TBC1D4: variants seen among roughly 807,000 people sequenced by gnomAD.
TBC1D4 encodes TBC1 domain family member 4, also known as TBC (Tre-2, BUB2, CDC16) domain-containing protein.
TBC1D4 carries 121 observed loss-of-function variants against 142.5 expected under a neutral mutation model. That is an observed-to-expected ratio of 0.85 (90% CI 0.73 to 0.99). TBC1D4 has a LOEUF of 0.99. Ranked by LOEUF, TBC1D4 falls within the 50% of genes least tolerant of loss-of-function variation. The pLI is 0.00. For synonymous variants in TBC1D4, 630 were observed against 628.2 expected (o/e 1.00, Z -0.04); for missense variants, 1,475 against 1,606.6 (o/e 0.92, Z 1.40).
intron 1 of TBC1D4, among the ~76,000 whole-genome samples, chr13:75,402,654 A>AACACACACACACACAC (rs56176942): frequency 2.1e-5 from 3 of 142,460 alleles, no homozygotes; most frequent in Non-Finnish European, 4.6e-5. Flanking sequence ...ATCCCTAGTA[A>AACACACACACACACAC]ACACACACAC....
chr13:75,347,161 G>A (rs767537375), intron 5 of TBC1D4, among the ~76,000 whole-genome samples: 7 of 151,488 alleles, frequency 4.6e-5, no homozygotes, highest in African/African-American at 7.3e-5. Context: ...TTACACAAAC[G>A]TATTACATAA....
At chr13:75,449,883 C>A (rs1887460938) in intron 1 of TBC1D4, among the ~76,000 whole-genome samples, 3 of 152,104 alleles carry the variant, frequency 2.0e-5, no homozygotes, top group Admixed American at 6.6e-5. Flanking sequence ...TCGTGCCCAG[C>A]CAAATGTACA....
chr13:75,442,363 T>C (rs539307761), intron 1 of TBC1D4, among the ~76,000 whole-genome samples: 3 of 152,188 alleles, frequency 2.0e-5, no homozygotes, highest in Admixed American at 6.5e-5. Context: ...GTGGGGTTTA[T>C]TATGATGATT....
At chr13:75,436,179 G>A (rs1438801238) in intron 1 of TBC1D4, among the ~76,000 whole-genome samples, 1 of 152,130 alleles carries the variant, frequency 6.6e-6, no homozygotes, top group African/African-American at 2.4e-5. Context: ...TGTAAAATGT[G>A]CCTTTGCTCC....
chr13:75,346,438 GTT>G (rs894561329), intron 5 of TBC1D4, among the ~76,000 whole-genome samples: 5 of 152,106 alleles, frequency 3.3e-5, no homozygotes, highest in African/African-American at 1.2e-4. Context: ...GAGAGTGATG[GTT>G]TCCAGCTTCA....
At chr13:75,429,877 C>T (rs1886526112) in intron 1 of TBC1D4, among the ~76,000 whole-genome samples, 1 of 152,126 alleles carries the variant, frequency 6.6e-6, no homozygotes, top group Admixed American at 6.5e-5. Flanking sequence ...AGCATAGAAC[C>T]ATCTGCAGAA....
chr13:75,370,397 T>C (rs1883160743), intron 1 of TBC1D4, among the ~76,000 whole-genome samples: 1 of 152,184 alleles, frequency 6.6e-6, no homozygotes, highest in African/African-American at 2.4e-5. Flanking sequence ...ACCCTTTGGC[T>C]ACTGTGTGGA....
intron 1 of TBC1D4, among the ~76,000 whole-genome samples, chr13:75,449,464 T>C (rs1887438073): frequency 6.6e-6 from 1 of 152,092 alleles, no homozygotes; most frequent in Non-Finnish European, 1.5e-5. Flanking sequence ...TCTCAAAATA[T>C]CTTATTGTAT....
chr13:75,327,305 C>T (rs1225450036), intron 9 of TBC1D4, among the ~76,000 whole-genome samples: 1 of 151,804 alleles, frequency 6.6e-6, no homozygotes, highest in Non-Finnish European at 1.5e-5. Flanking sequence ...TGACATACTG[C>T]ACTACGCAGG....
At chr13:75,434,368 G>A (rs1886704858) in intron 1 of TBC1D4, among the ~76,000 whole-genome samples, 1 of 152,130 alleles carries the variant, frequency 6.6e-6, no homozygotes, top group Non-Finnish European at 1.5e-5. Context: ...GAACATGGGT[G>A]GTGCTGGAGG....
In TBC1D4 at chr13:75,283,912, T is replaced by G. The variant is rs982404417; in HGVS notation, c.*2880A>C. The stretch of plus-strand genomic sequence containing the variant: ...TTTGTTTGGTTGTTTGTTTTTCTTT[T>G]TTTTTGTCAAAGTCTCACTCTGTGG... On this transcript the variant is annotated 3_prime_UTR_variant, in exon 21 of 21. Coordinates refer to ENST00000377636, the MANE Select transcript of TBC1D4 (RefSeq NM_014832.5). 7.2e-5 allele frequency among the ~76,000 whole-genome samples: 11 copies of G among 152,158 alleles called. No homozygotes were observed.
intron 2 of TBC1D4, among the ~76,000 whole-genome samples, chr13:75,360,552 A>C (rs925750765): frequency 9.8e-5 from 5 of 51,152 alleles, no homozygotes; most frequent in African/African-American, 2.1e-4. Flanking sequence ...TTTTTTTTTT[A>C]ATCAGGGGTG....
At chr13:75,440,633 A>G (rs1324509033) in intron 1 of TBC1D4, among the ~76,000 whole-genome samples, 1 of 151,756 alleles carries the variant, frequency 6.6e-6, no homozygotes, top group Admixed American at 6.5e-5. Context: ...GGCTCACTGT[A>G]ACCTTGAGCT....
At chr13:75,432,401 C>A (rs1322059415) in intron 1 of TBC1D4, among the ~76,000 whole-genome samples, 1 of 152,140 alleles carries the variant, frequency 6.6e-6, no homozygotes, top group Non-Finnish European at 1.5e-5. Context: ...TGGTTCTAAG[C>A]AGACAAAACA....
intron 1 of TBC1D4, among the ~76,000 whole-genome samples, chr13:75,406,132 A>G (rs1462468498): frequency 6.6e-6 from 1 of 152,218 alleles, no homozygotes; most frequent in Non-Finnish European, 1.5e-5. Flanking sequence ...TGTGAGGGCT[A>G]CATGCCTTCA....
At chr13:75,460,214 A>C (rs935781399) in intron 1 of TBC1D4, among the ~76,000 whole-genome samples, 3 of 152,204 alleles carry the variant, frequency 2.0e-5, no homozygotes, top group Non-Finnish European at 4.4e-5. Flanking sequence ...AGGATACAAA[A>C]ATGGCCCTAT....
In TBC1D4 at chr13:75,310,006, C is replaced by A; in HGVS notation, c.2529G>T (p.Trp843Cys). ...RKKSKELRSL[W>C]RKAIHQQILL... is the part of the protein sequence containing the mutation. ...AGATTTGTTGGTGTATAGCTTTTCT[C>A]CACAAGCTCCTCAGTTCTTTTGATT... is the stretch of plus-strand genomic sequence containing the variant. Residue 843 changes from tryptophan to cysteine, a missense_variant, in exon 14 of 21, where the codon TGG becomes TGT. Around this residue, in one of 2 missense-constraint regions of TBC1D4, gnomAD observed 1,227 missense variants for 1,267.7 expected, o/e 0.97. Transcript: ENST00000377636. 6.2e-7 allele frequency: 1 copy of A among 1,614,120 alleles called. No individual in the cohort carries two copies. Among genetic ancestry groups the A allele is most frequent in the Non-Finnish European group, 8.5e-7 (1 of 1,180,004 alleles).
Position 75,362,480 on chromosome 13 carries a change from T to C in TBC1D4, c.626A>G (p.Lys209Arg), listed in dbSNP as rs1416119672. ...GGCCTTCTTGTGGGTCACGGTCACC[T>C]TTCCACAGTACAGGACTTCGAACTT... ...SQKFEVLYCG[K>R]VTVTHKKAPS... is the part of the protein sequence containing the mutation. The change falls in exon 2 of 21, where the codon AAG becomes AGG. Residue 209 changes from lysine (K) to arginine (R), a missense_variant. Lys to Arg is a conservative substitution (Grantham distance 26). Coordinates refer to ENST00000377636, the MANE Select transcript of TBC1D4 (RefSeq NM_014832.5). This position sits in a 1 kb window ranked among gnomAD's most constrained non-coding sequence, Gnocchi z 4.2. The C allele has an allele frequency of 3.7e-6, 6 of 1,614,106 alleles. No homozygotes were observed. The highest frequency in any genetic ancestry group is 2.7e-5 in the African/African-American group (2 of 74,944).
Position 75,331,961 on chromosome 13 carries a change from G to A in TBC1D4, c.1732-4135C>T, listed in dbSNP as rs79822034. Among the ~76,000 whole-genome samples, 526 of 152,226 alleles carry A rather than the reference G, an allele frequency of 3.5e-3. 6 individuals carry two copies. The highest frequency in any genetic ancestry group is 0.027 in the East Asian group (139 of 5,184). The stretch of plus-strand genomic sequence containing the variant: ...CAAAAAGTGCAATCTGTTGCACACG[G>A]TACAAGCAAGACCTTGTTAGGTCGC... On this transcript the variant is annotated intron_variant, in intron 8 of 20. Coordinates refer to ENST00000377636, the MANE Select transcript of TBC1D4 (RefSeq NM_014832.5).
Sources: allele counts gnomAD v4.1 joint callset (sites outside exome capture counted in the v4.1 genomes callset), GRCh38; gene constraint gnomAD v4.1.1; regional missense constraint gnomAD v4.1.1; non-coding constraint Gnocchi (gnomAD v3.1); transcripts MANE v1.5; gene names NCBI Gene and HGNC (gene_info 2026-07-23, HGNC 2026-07-21).